The following ZNF428 variants were observed in gnomAD, a reference collection of about 807,000 sequenced individuals.
ZNF428 encodes enzyme-like protein PIT13.
A neutral mutation model predicts 15.6 loss-of-function variants in ZNF428; 5 were observed. The observed-to-expected ratio is 0.32, with a 90% confidence interval of 0.17 to 0.67. The LOEUF (loss-of-function observed/expected upper bound fraction) is 0.67, where lower values mean the gene tolerates loss of function less well. Ranked by LOEUF, ZNF428 falls within the 30% of genes least tolerant of loss-of-function variation. The pLI, the probability that ZNF428 is intolerant of heterozygous loss-of-function variation, is 0.73. For synonymous variants in ZNF428, 97 were observed against 102.2 expected, an observed-to-expected ratio of 0.95 and a Z score of 0.31; for missense variants, 237 against 256.0, an observed-to-expected ratio of 0.93 and a Z score of 0.51.
At chr19:43,618,848 C>A (rs1361467451) in intron 1 of ZNF428, among the ~76,000 whole-genome samples, 2 of 152,132 alleles carry the variant, frequency 1.3e-5, no homozygotes, top group Non-Finnish European at 2.9e-5. Flanking sequence ...ACAATCAAGA[C>A]ATTCCCTGAA....
Position 43,612,513 on chromosome 19 carries a change from G to T in ZNF428, c.76+1716C>A. On this transcript the variant is annotated intron_variant, in intron 2 of 2. Transcript: ENST00000300811. The surrounding 1 kb of genome is among the most constrained non-coding windows in gnomAD (Gnocchi z 4.2). ...ACACCTGGCAGAAGGGGAAGCCGCA[G>T]CTCCAAGAGGTCACCCAGCAGGGCC... is the stretch of plus-strand genomic sequence containing the variant. The T allele has an allele frequency of 6.4e-7, 1 of 1,551,472 alleles. No homozygotes were observed. The highest frequency in any genetic ancestry group is 8.7e-7 in the Non-Finnish European group (1 of 1,146,992).
At chr19:43,611,965 C>T (rs1180383669) in intron 2 of ZNF428, 1 of 637,134 alleles carries the variant, frequency 1.6e-6, no homozygotes, top group African/African-American at 1.8e-5. Flanking sequence ...TCTCTCCTCC[C>T]ACCTCTGACT....
Position 43,607,611 on chromosome 19 carries a change from C to T in ZNF428, c.*6G>A. 1.3e-6 allele frequency: 2 copies of T among 1,561,954 alleles called. No homozygotes were observed. Among genetic ancestry groups the T allele is most frequent in the Non-Finnish European group, 1.7e-6 (2 of 1,151,154 alleles). ...TTCTGCCAAGCTCCCCGTATGGGGG[C>T]TCTGCCTACACCTCACCCCGGGCAT... On this transcript the variant is annotated 3_prime_UTR_variant, in exon 3 of 3. Transcript: ENST00000300811. The surrounding 1 kb of genome is among the most constrained non-coding windows in gnomAD (Gnocchi z 5.1).
intron 1 of ZNF428, among the ~76,000 whole-genome samples, chr19:43,618,760 C>G (rs897212231): frequency 6.6e-6 from 1 of 151,928 alleles, no homozygotes; most frequent in Non-Finnish European, 1.5e-5. Context: ...AAGGTTGTAT[C>G]TTTTGGATAT....
Position 43,614,117 on chromosome 19 carries a change from A to G in ZNF428, c.76+112T>C, listed in dbSNP as rs756498448. The stretch of plus-strand genomic sequence containing the variant: ...TAGGACAAGCAGTCTCAGTCAGAAT[A>G]GAACCCCTAGCAAGACAAGCAGCCA... On this transcript the variant is annotated intron_variant, in intron 2 of 2. Transcript: ENST00000300811. The G allele has an allele frequency of 2.5e-6, 4 of 1,599,156 alleles. No individual in the cohort carries two copies. The East Asian group carries it at 9.0e-5, about 36-fold the overall frequency.
At chr19:43,609,879 C>CT (rs1255308779) in intron 2 of ZNF428, among the ~76,000 whole-genome samples, 1 of 152,086 alleles carries the variant, frequency 6.6e-6, no homozygotes, top group Non-Finnish European at 1.5e-5. Context: ...GAAGTACCAG[C>CT]TTCTTCGGCC....
At chr19:43,613,830 G>A in intron 2 of ZNF428, 3 of 1,549,520 alleles carry the variant, frequency 1.9e-6, no homozygotes, top group Non-Finnish European at 2.6e-6. Context: ...AGAGATCGCA[G>A]ACGATGGAGA....
At chr19:43,610,951 A>C (rs914262841) in intron 2 of ZNF428, among the ~76,000 whole-genome samples, 2 of 152,062 alleles carry the variant, frequency 1.3e-5, no homozygotes, top group African/African-American at 4.8e-5. Context: ...GCCATTTAAC[A>C]ATCGTTTCCT....
At chr19:43,613,898 C>G (rs1395231238) in intron 2 of ZNF428, 15 of 1,551,672 alleles carry the variant, frequency 9.7e-6, no homozygotes, top group Non-Finnish European at 1.2e-5. Flanking sequence ...GGAGAGAGAT[C>G]ACAGCCGATC....
chr19:43,609,440 A>C (rs1973273299), intron 2 of ZNF428, among the ~76,000 whole-genome samples: 3 of 151,396 alleles, frequency 2.0e-5, no homozygotes, highest in African/African-American at 7.3e-5. Context: ...ACAGTTATCA[A>C]GGACAGGCCT....
At position 43,607,602 on chromosome 19, in the gene ZNF428, G is replaced by A. The variant is rs758871; in HGVS notation, c.*15C>T. 1,611 of 1,236,246 alleles carry A rather than the reference G, an allele frequency of 1.3e-3. 10 individuals carry two copies. The African/African-American group carries it at 0.022, about 17-fold the overall frequency. 76.6% of individuals were successfully genotyped at this position (1,236,246 alleles called of 1,614,324 possible). On this transcript the variant is annotated 3_prime_UTR_variant, in exon 3 of 3. Transcript: ENST00000300811. The surrounding 1 kb of genome is among the most constrained non-coding windows in gnomAD (Gnocchi z 5.1). ...CCCCACCCCTTCTGCCAAGCTCCCC[G>A]TATGGGGGCTCTGCCTACACCTCAC...
At chr19:43,615,465 C>G (rs952878243) in intron 1 of ZNF428, among the ~76,000 whole-genome samples, 2 of 151,608 alleles carry the variant, frequency 1.3e-5, no homozygotes, top group Non-Finnish European at 2.9e-5. Flanking sequence ...TTTGGGAGGC[C>G]GAGGTGGGCA....
rs1176660433 is a variant in ZNF428, at chr19:43,612,851, A to C, written c.76+1378T>G. On this transcript the variant is annotated intron_variant, in intron 2 of 2. Coordinates refer to ENST00000300811, the MANE Select transcript of ZNF428 (RefSeq NM_182498.4). This position sits in a 1 kb window ranked among gnomAD's most constrained non-coding sequence, Gnocchi z 4.2. ...TCCATCCTCATCAAGGAAGGTGAAGAGCTACGGTCAGATGATCATCCCCAG... is the reference window on the plus strand; with the variant it reads ...TCCATCCTCATCAAGGAAGGTGAAGCGCTACGGTCAGATGATCATCCCCAG... 6.4e-7 allele frequency: 1 copy of C among 1,551,726 alleles called. No individual in the cohort carries two copies. The highest frequency in any genetic ancestry group is 1.4e-5 in the African/African-American group (1 of 73,168).
chr19:43,618,004 G>A (rs910942198), intron 1 of ZNF428, among the ~76,000 whole-genome samples: 1 of 148,506 alleles, frequency 6.7e-6, no homozygotes, highest in Non-Finnish European at 1.5e-5. Context: ...TGGGACTACA[G>A]GCGCGTGCCA....
chr19:43,613,879 C>T, intron 2 of ZNF428: 1 of 1,551,562 alleles, frequency 6.4e-7, no homozygotes, highest in Non-Finnish European at 8.7e-7. Flanking sequence ...AATCTAGAAG[C>T]TCCAGCGAGG....
chr19:43,614,249 T>C lies in ZNF428; in HGVS notation c.56A>G (p.Asp19Gly), dbSNP rs1373935330. ...ETGGYASLEE[D>G]DEDLSPGPEH... The stretch of plus-strand genomic sequence containing the variant: ...CTTACCTGGGGAAAGGTCTTCATCA[T>C]CTTCTTCCAAGCTGGCGTAGCCCCC... The change falls in exon 2 of 3, where the codon GAT (aspartate) becomes GGT (glycine). Residue 19 changes from aspartate (D) to glycine (G), a missense_variant. Transcript: ENST00000300811. The C allele has an allele frequency of 2.5e-6, 4 of 1,613,962 alleles. No homozygotes were observed. The Admixed American group carries it at 6.7e-5, about 27-fold the overall frequency.
rs111904462 is a variant in ZNF428 at position 43,614,268 on chromosome 19, A to G, written c.37T>C (p.Tyr13His). ...ETREPAETGG[Y>H]ASLEEDDEDL... is the part of the protein sequence containing the mutation. ...TCATCATCTTCTTCCAAGCTGGCGTAGCCCCCAGTCTCAGCTGGCTCACGG... is the reference window on the plus strand; with the variant it reads ...TCATCATCTTCTTCCAAGCTGGCGTGGCCCCCAGTCTCAGCTGGCTCACGG... The change falls in exon 2 of 3, where the codon TAC becomes CAC. Residue 13 changes from tyrosine to histidine, a missense_variant. By Grantham distance (83) the Tyr-to-His change is moderately conservative. Coordinates refer to ENST00000300811, the MANE Select transcript of ZNF428 (RefSeq NM_182498.4). The G allele has an allele frequency of 6.2e-7, 1 of 1,613,578 alleles. No individual in the cohort carries two copies. The highest frequency in any genetic ancestry group is 8.5e-7 in the Non-Finnish European group (1 of 1,179,628).
In ZNF428 at chr19:43,613,671, A is replaced by G. The variant is rs1438796152; in HGVS notation, c.76+558T>C. The G allele has an allele frequency of 3.2e-6, 5 of 1,550,650 alleles. No homozygotes were observed. The South Asian group carries it at 3.6e-5, about 11-fold the overall frequency. ...TGCAGACAATCTAGAAGCTCCAGCAAAGAGAGAGATCACAGACGATCTAGA... is the reference window on the plus strand; with the variant it reads ...TGCAGACAATCTAGAAGCTCCAGCAGAGAGAGAGATCACAGACGATCTAGA... On this transcript the variant is annotated intron_variant, in intron 2 of 2. Transcript: ENST00000300811.
intron 1 of ZNF428, among the ~76,000 whole-genome samples, chr19:43,618,025 C>CTTT (rs35170127): frequency 1.8e-5 from 1 of 55,328 alleles, no homozygotes; most frequent in Non-Finnish European, 3.0e-5. Context: ...CCATGCCCGG[C>CTTT]TTTTTTTTTT....
Sources: gnomAD v4.1 joint callset for allele counts (sites outside exome capture counted in the v4.1 genomes callset) on GRCh38, gnomAD v4.1.1 for gene constraint, Gnocchi (gnomAD v3.1) non-coding constraint, MANE v1.5 for transcripts, NCBI Gene and HGNC (gene_info 2026-07-23, HGNC 2026-07-21) for gene names.